The following PFKP variants were observed in gnomAD, a reference collection of about 807,000 sequenced individuals.
PFKP encodes the protein phosphofructokinase, platelet.
Under a neutral mutation model 94.3 loss-of-function variants are expected in PFKP, and 101 were observed. The observed-to-expected ratio is 1.07, with a 90% CI of 0.91 to 1.26. The LOEUF (loss-of-function observed/expected upper bound fraction) is 1.26, where lower values mean the gene tolerates loss of function less well. PFKP is among the 50% of genes most tolerant of loss of function. The probability of loss-of-function intolerance (pLI) is 0.00; values close to 1 mark genes in which losing one functional copy is unlikely to be tolerated. For missense variants in PFKP, 1,145 were observed against 1,103.3 expected (o/e 1.04, Z -0.53); for synonymous variants, 573 against 432.6 (o/e 1.32, Z -4.03).
intron 1 of PFKP, among the ~76,000 whole-genome samples, chr10:3,076,254 C>T (rs1031302313): frequency 3.9e-5 from 6 of 152,074 alleles, no homozygotes; most frequent in East Asian, 1.9e-4. Context: ...CAATGGGTGG[C>T]GTGTGCTGCC....
At chr10:3,130,748 G>A (rs763978414) in intron 17 of PFKP, among the ~76,000 whole-genome samples, 15 of 152,060 alleles carry the variant, frequency 9.9e-5, no homozygotes, top group Non-Finnish European at 1.8e-4. Flanking sequence ...TAGTAGAGAT[G>A]AGGTTTCACC....
rs190021126 is a variant in PFKP at position 3,134,626 on chromosome 10, C to T, written c.2122+44C>T. 1.2e-3 allele frequency: 1,543 copies of T among 1,267,010 alleles called. 3 individuals are homozygous for T. The highest frequency in any genetic ancestry group is 4.5e-3 in the East Asian group (196 of 43,274). 78.5% of individuals were successfully genotyped at this position (1,267,010 alleles called of 1,614,324 possible). On this transcript the variant is annotated intron_variant, in intron 20 of 21. Transcript: ENST00000381125. ...GAGGCCACAGCCTCGTGATGCAGGC[C>T]GTCCTGCCTTGGTGAAAATGCTGTC...
intron 1 of PFKP, among the ~76,000 whole-genome samples, chr10:3,081,929 TTACTG>T (rs1833109340): frequency 2.0e-5 from 3 of 151,684 alleles, no homozygotes; most frequent in African/African-American, 7.3e-5. Context: ...TATTTTAACT[TTACTG>T]ATAATAAAAT....
At chr10:3,088,336 T>C (rs2131462177) in intron 2 of PFKP, among the ~76,000 whole-genome samples, 1 of 152,114 alleles carries the variant, frequency 6.6e-6, no homozygotes, top group Non-Finnish European at 1.5e-5. Context: ...CATCCTTTTT[T>C]AATGGCTGCA....
At chr10:3,068,401 G>T (rs1588364411) in intron 1 of PFKP, among the ~76,000 whole-genome samples, 2 of 152,292 alleles carry the variant, frequency 1.3e-5, no homozygotes, top group Middle Eastern at 3.4e-3. Flanking sequence ...GGTTTCCTGC[G>T]CTCGCATGTG....
intron 2 of PFKP, among the ~76,000 whole-genome samples, chr10:3,089,998 ATT>A (rs1833921327): frequency 6.6e-6 from 1 of 152,006 alleles, no homozygotes; most frequent in Admixed American, 6.6e-5. Flanking sequence ...AGATTGCAGT[ATT>A]TGTCTTTCTG....
chr10:3,102,558 C>A (rs1317464369), intron 4 of PFKP, among the ~76,000 whole-genome samples: 1 of 152,036 alleles, frequency 6.6e-6, no homozygotes, highest in Non-Finnish European at 1.5e-5. Flanking sequence ...GGATTACAGG[C>A]ATGCGCCACC....
In PFKP at chr10:3,070,956, G is replaced by A. The variant is rs78990540; in HGVS notation, c.112+3249G>A. On this transcript the variant is annotated intron_variant, in intron 1 of 21. Coordinates refer to ENST00000381125, the MANE Select transcript of PFKP (RefSeq NM_002627.5). ...AGAGACAGGATCTCACTATGCTGCC[G>A]AGACTGGCCTTGAACTCCTGGCCTC... Among the ~76,000 whole-genome samples the A allele has an allele frequency of 6.6e-3, 1,010 of 151,966 alleles. 18 individuals carry two copies. The highest frequency in any genetic ancestry group is 0.023 in the African/African-American group (934 of 41,450).
chr10:3,119,706 G>C (rs939018191), intron 15 of PFKP, among the ~76,000 whole-genome samples, 186 bp from the exon 16 acceptor site: 24 of 152,276 alleles, frequency 1.6e-4, no homozygotes, highest in African/African-American at 5.1e-4. Context: ...CGCCCTTTGT[G>C]CTTACAACCT....
rs760611276 is a variant in PFKP at position 3,109,492 on chromosome 10, G to T, written c.1089+12G>T. 19 of 1,601,542 alleles carry T rather than the reference G, an allele frequency of 1.2e-5. No homozygotes were observed. In the Middle Eastern group the frequency reaches 1.2e-3, roughly 97 times the overall value. On this transcript the variant is annotated intron_variant, in intron 10 of 21. Transcript: ENST00000381125. ...AGTGCGTGCAGATGGTGAGTGGGCA[G>T]CCCATGGCCAAGGGCAGGGCGGAGA...
chr10:3,129,171 G>A (rs767142519), intron 16 of PFKP: 4 of 152,228 alleles, frequency 2.6e-5, no homozygotes, highest in Admixed American at 6.5e-5. Context: ...TCTCCCCGCC[G>A]AGCTTGGGTC....
intron 16 of PFKP, among the ~76,000 whole-genome samples, chr10:3,126,562 A>C (rs1588554108): frequency 6.6e-6 from 1 of 151,716 alleles, no homozygotes; most frequent in Non-Finnish European, 1.5e-5. Flanking sequence ...CAGGACCCCC[A>C]CCCCCTGTCC....
chr10:3,112,977 G>A (rs373591010), intron 11 of PFKP, 142 bp from the exon 12 acceptor site: 1 of 733,344 alleles, frequency 1.4e-6, no homozygotes, highest in East Asian at 2.7e-5. Flanking sequence ...CCATGCACAT[G>A]GAACCCTGGG....
chr10:3,120,489 T>C (rs1446227582), intron 16 of PFKP, among the ~76,000 whole-genome samples: 2 of 152,180 alleles, frequency 1.3e-5, no homozygotes, highest in African/African-American at 4.8e-5. Context: ...GAATATTTTA[T>C]AATTTTATTC....
chr10:3,125,096 G>A (rs1837803695), intron 16 of PFKP: 1 of 1,289,814 alleles, frequency 7.8e-7, no homozygotes, highest in Non-Finnish European at 1.0e-6. Flanking sequence ...TGCTGCTTCA[G>A]GCTTACAAGA....
intron 2 of PFKP, among the ~76,000 whole-genome samples, chr10:3,093,872 T>C (rs1248739322): frequency 1.3e-5 from 2 of 152,154 alleles, no homozygotes; most frequent in African/African-American, 2.4e-5. Flanking sequence ...CTCCATCTCC[T>C]GACCTTGTGA....
At chr10:3,092,380 G>A (rs539895869) in intron 2 of PFKP, among the ~76,000 whole-genome samples, 7 of 152,218 alleles carry the variant, frequency 4.6e-5, no homozygotes, top group Admixed American at 2.6e-4. Flanking sequence ...GGCTGGGAAG[G>A]GGGTGTGGAC....
chr10:3,081,467 G>A (rs944074948), intron 1 of PFKP, among the ~76,000 whole-genome samples: 5 of 152,256 alleles, frequency 3.3e-5, no homozygotes, highest in African/African-American at 1.2e-4. Context: ...GAAGCTTGGT[G>A]CTCTCAGGTG....
At chr10:3,069,371 C>A in intron 1 of PFKP, 1 of 1,590,184 alleles carries the variant, frequency 6.3e-7, no homozygotes, top group South Asian at 1.2e-5. Flanking sequence ...GTGACTTAAA[C>A]CGGCCCGGAG....
Sources: gnomAD v4.1 joint callset for allele counts (sites outside exome capture counted in the v4.1 genomes callset) on GRCh38, gnomAD v4.1.1 for gene constraint, MANE v1.5 for transcripts, NCBI Gene and HGNC (gene_info 2026-07-23, HGNC 2026-07-21) for gene names.